The following CLUAP1 variants were observed in gnomAD, a reference collection of about 807,000 sequenced individuals.
CLUAP1 encodes intraflagellar transport 38.
A neutral mutation model predicts 55.0 loss-of-function variants in CLUAP1; 50 were observed. The ratio of observed to expected loss-of-function variants is 0.91; its 90% CI spans 0.72 to 1.15. CLUAP1 has a LOEUF of 1.15. CLUAP1 is among the 50% of genes most tolerant of loss of function. CLUAP1 has a pLI of 0.00. For missense variants in CLUAP1, 530 were observed against 507.6 expected, an observed-to-expected ratio of 1.04 and a Z score of -0.42; for synonymous variants, 195 against 175.4, an observed-to-expected ratio of 1.11 and a Z score of -0.88.
At chr16:3,518,522 T>C (rs1286770362) in intron 6 of CLUAP1, among the ~76,000 whole-genome samples, 2 of 152,252 alleles carry the variant, frequency 1.3e-5, no homozygotes, top group African/African-American at 4.8e-5. Flanking sequence ...ATTGTGGATC[T>C]TTCTTGTTTG....
chr16:3,527,967 A>G (rs117971510), intron 9 of CLUAP1, among the ~76,000 whole-genome samples: 65 of 152,242 alleles, frequency 4.3e-4, no homozygotes, highest in Non-Finnish European at 8.4e-4. Context: ...CAGGGCCACT[A>G]TCAGTCTCCA....
In CLUAP1 at chr16:3,532,858, C is replaced by A. The variant is rs1435446234; in HGVS notation, c.1092+17C>A. On this transcript the variant is annotated intron_variant, in intron 11 of 11. Transcript: ENST00000576634. ...GATGACAATGTAAGTCCCCCGCTCC[C>A]CTCAGTGGTTCTGTGCACTCTGGGT... 2 of 1,613,852 alleles carry A rather than the reference C, an allele frequency of 1.2e-6. No homozygotes were observed. Among genetic ancestry groups the A allele is most frequent in the Non-Finnish European group, 1.7e-6 (2 of 1,179,760 alleles).
rs374398850 is a variant in CLUAP1, at chr16:3,512,494, C to T, written c.495+16C>T. ...AGAGTTGAGGGTAAGCATTCCAGTA[C>T]TTCCTTAACCATGCAGATTTTCTCT... On this transcript the variant is annotated intron_variant, in intron 5 of 11. Coordinates refer to ENST00000576634, the MANE Select transcript of CLUAP1 (RefSeq NM_015041.3). 8.0e-5 allele frequency: 125 copies of T among 1,568,978 alleles called. No individual in the cohort carries two copies. The highest frequency in any genetic ancestry group is 1.0e-4 in the Non-Finnish European group (114 of 1,140,164).
At chr16:3,508,117 T>C (rs2037544595) in intron 3 of CLUAP1, among the ~76,000 whole-genome samples, 172 bp from the exon 4 acceptor site, 1 of 152,034 alleles carries the variant, frequency 6.6e-6, no homozygotes, top group African/African-American at 2.4e-5. Flanking sequence ...TCCATCAAGA[T>C]TGTCCCAGTT....
rs1323924102 is a variant in CLUAP1 at position 3,530,650 on chromosome 16, G to C, written c.1011G>C (p.Gln337His). 1.2e-6 allele frequency: 2 copies of C among 1,614,104 alleles called. No individual in the cohort carries two copies. Among genetic ancestry groups the C allele is most frequent in the African/African-American group, 1.3e-5 (1 of 75,044 alleles). The change falls in exon 10 of 12, where the codon CAG becomes CAC. Residue 337 changes from glutamine to histidine, a missense_variant. Physicochemically the swap from Gln to His is conservative, Grantham distance 24 (BLOSUM62 0). Coordinates refer to ENST00000576634, the MANE Select transcript of CLUAP1 (RefSeq NM_015041.3). ...AAGAAAGGCGGCTGCCCAAGCCACA[G>C]ACAGCCATGGAGATGCTCATGCAAG... Reference protein sequence around the residue: ...ELEERRLPKPQTAMEMLMQGR... With the variant: ...ELEERRLPKPHTAMEMLMQGR...
upstream of CLUAP1, among the ~76,000 whole-genome samples, chr16:3,499,777 T>C (rs139994512): frequency 2.0e-4 from 30 of 152,354 alleles, no homozygotes; most frequent in African/African-American, 7.2e-4. Context: ...TGGGAGGCCA[T>C]TGTTTTGGAG....
upstream of CLUAP1, chr16:3,496,530 C>A: frequency 1.8e-6 from 1 of 564,378 alleles, no homozygotes; most frequent in Non-Finnish European, 3.4e-6. Context: ...GACCAGCCGG[C>A]CCACAGCGGC....
intron 4 of CLUAP1, 51 bp from the exon 5 acceptor site, chr16:3,512,332 A>G (rs759990641): frequency 3.5e-6 from 5 of 1,411,590 alleles, no homozygotes; most frequent in Non-Finnish European, 5.0e-6. Flanking sequence ...CCCTGTCTCT[A>G]TTAAAAAACA....
chr16:3,519,569 G>A (rs1487002964), intron 6 of CLUAP1, among the ~76,000 whole-genome samples: 1 of 152,216 alleles, frequency 6.6e-6, no homozygotes, highest in Non-Finnish European at 1.5e-5. Flanking sequence ...CCAGAGTGAT[G>A]TGCACCTTGT....
intron 5 of CLUAP1, among the ~76,000 whole-genome samples, chr16:3,512,916 G>C (rs540246275): frequency 1.3e-5 from 2 of 152,108 alleles, no homozygotes; most frequent in Admixed American, 6.5e-5. Context: ...TCCTGACCTC[G>C]TGATCTGCCT....
intron 9 of CLUAP1, among the ~76,000 whole-genome samples, chr16:3,529,241 C>G (rs1203345883): frequency 6.7e-6 from 1 of 149,990 alleles, no homozygotes; most frequent in Non-Finnish European, 1.5e-5. Context: ...TGGTATGTGG[C>G]AAATTCAAGT....
intron 5 of CLUAP1, 100 bp from the exon 6 acceptor site, chr16:3,515,408 C>A: frequency 1.3e-6 from 1 of 789,772 alleles, no homozygotes; most frequent in Non-Finnish European, 2.0e-6. Context: ...TGGCAATAAA[C>A]TTCGGAGAAT....
intron 4 of CLUAP1, among the ~76,000 whole-genome samples, chr16:3,509,346 C>T (rs1027826640): frequency 3.3e-5 from 5 of 152,192 alleles, no homozygotes; most frequent in African/African-American, 1.2e-4. Flanking sequence ...CCTGGGAAGC[C>T]CCTGGAAAGC....
At chr16:3,505,296 C>T (rs1364880910) in intron 2 of CLUAP1, among the ~76,000 whole-genome samples, 2 of 152,028 alleles carry the variant, frequency 1.3e-5, no homozygotes, top group South Asian at 2.1e-4. Context: ...TTTGGGAGGC[C>T]GAGGCGGGTG....
intron 6 of CLUAP1, among the ~76,000 whole-genome samples, chr16:3,516,469 C>G (rs2037731172): frequency 6.6e-6 from 1 of 152,074 alleles, no homozygotes; most frequent in African/African-American, 2.4e-5. Flanking sequence ...AGATTGGTGA[C>G]AGATAGGCAG....
At chr16:3,507,155 C>A (rs1371909032) in intron 3 of CLUAP1, among the ~76,000 whole-genome samples, 1 of 150,906 alleles carries the variant, frequency 6.6e-6, no homozygotes, top group Non-Finnish European at 1.5e-5. Flanking sequence ...GAGATCACGC[C>A]ACTGCACTCC....
At chr16:3,496,357 G>C (rs1165899482), upstream of CLUAP1, 5 of 1,145,730 alleles carry the variant, frequency 4.4e-6, no homozygotes, top group African/African-American at 6.3e-5. Flanking sequence ...TGAAGAGGTT[G>C]TTTATGAGTC....
chr16:3,505,142 G>A (rs1351123439), intron 2 of CLUAP1, among the ~76,000 whole-genome samples: 1 of 152,196 alleles, frequency 6.6e-6, no homozygotes, highest in African/African-American at 2.4e-5. Flanking sequence ...AGGAGGCTGA[G>A]GCAGGAGGAT....
chr16:3,524,209 G>A (rs2151061270), intron 8 of CLUAP1, among the ~76,000 whole-genome samples: 1 of 152,032 alleles, frequency 6.6e-6, no homozygotes, highest in Non-Finnish European at 1.5e-5. Flanking sequence ...GGCTGAGATG[G>A]AAGGATTGCT....
Sources: gnomAD v4.1 joint callset for allele counts (sites outside exome capture counted in the v4.1 genomes callset) on GRCh38, gnomAD v4.1.1 for gene constraint, MANE v1.5 for transcripts, NCBI Gene and HGNC (gene_info 2026-07-23, HGNC 2026-07-21) for gene names.